The following FRMD4B variants were observed in gnomAD, a reference collection of about 807,000 sequenced individuals.
The protein encoded by FRMD4B is FERM domain containing 4B.
In FRMD4B, 74 loss-of-function variants were observed where a neutral mutation model predicts 141.5. The observed-to-expected ratio is 0.52, with a 90% CI of 0.43 to 0.63. The LOEUF is 0.63. Among genes scored for constraint, FRMD4B ranks in the 30% least tolerant of loss-of-function variants. The pLI is 0.00. For synonymous variants in FRMD4B, 506 were observed against 467.9 expected (o/e 1.08, Z -1.05); for missense variants, 1,366 against 1,253.4 (o/e 1.09, Z -1.36).
chr3:69,453,282 G>A (rs1169549229), intron 1 of FRMD4B, among the ~76,000 whole-genome samples: 2 of 152,206 alleles, frequency 1.3e-5, no homozygotes, highest in Non-Finnish European at 2.9e-5. Flanking sequence ...GCATCTGGCT[G>A]GCTCTGTGTC....
intron 2 of FRMD4B, among the ~76,000 whole-genome samples, chr3:69,405,818 T>C (rs1007136983): frequency 4.6e-5 from 7 of 152,190 alleles, no homozygotes; most frequent in Non-Finnish European, 7.3e-5. Context: ...GCCTCCTAGT[T>C]CCAACTGAAA....
chr3:69,198,535 G>C (rs2092931661), intron 12 of FRMD4B, 163 bp downstream of exon 12: 1 of 597,578 alleles, frequency 1.7e-6, no homozygotes, highest in South Asian at 2.2e-5. Context: ...CCATTCCTCA[G>C]AGGGTTAAAG....
intron 1 of FRMD4B, among the ~76,000 whole-genome samples, chr3:69,483,826 A>G (rs1706170301): frequency 6.6e-6 from 1 of 152,230 alleles, no homozygotes; most frequent in South Asian, 2.1e-4. Flanking sequence ...AAAAGCCCCA[A>G]ATTATTTTAT....
intron 1 of FRMD4B, among the ~76,000 whole-genome samples, chr3:69,531,146 T>A (rs1464145802): frequency 2.6e-5 from 4 of 152,198 alleles, no homozygotes; most frequent in Admixed American, 2.6e-4. Context: ...GGGTGGATGG[T>A]TTAGCCAAGA....
chr3:69,213,039 A>T (rs981508518), intron 11 of FRMD4B, among the ~76,000 whole-genome samples: 3 of 152,200 alleles, frequency 2.0e-5, no homozygotes, highest in Non-Finnish European at 4.4e-5. Context: ...TATGATGTCC[A>T]TCAAAAGTGA....
chr3:69,220,792 T>C (rs1471976847), intron 9 of FRMD4B, among the ~76,000 whole-genome samples: 1 of 152,112 alleles, frequency 6.6e-6, no homozygotes, highest in African/African-American at 2.4e-5. Flanking sequence ...AGGTGGCAAT[T>C]GCAGTGAGAT....
At chr3:69,265,165 G>C (rs2093552590) in intron 5 of FRMD4B, among the ~76,000 whole-genome samples, 1 of 146,308 alleles carries the variant, frequency 6.8e-6, no homozygotes, top group Non-Finnish European at 1.5e-5. Flanking sequence ...TGAGGCAGGA[G>C]AATTGCTTGA....
chr3:69,480,656 G>C (rs1007137714), intron 1 of FRMD4B, among the ~76,000 whole-genome samples: 1 of 152,176 alleles, frequency 6.6e-6, no homozygotes, highest in South Asian at 2.1e-4. Flanking sequence ...CAGGGGTCAG[G>C]GGTCAGGGAC....
At chr3:69,187,721 A>T (rs569334642) in intron 19 of FRMD4B, 49 bp downstream of exon 19, 1 of 1,549,314 alleles carries the variant, frequency 6.5e-7, no homozygotes, top group Non-Finnish European at 8.7e-7. Flanking sequence ...TTGGAGGAAA[A>T]ATTTCCTAGC....
At chr3:69,314,834 C>CA (rs1281979619) in intron 1 of FRMD4B, among the ~76,000 whole-genome samples, 7 of 149,996 alleles carry the variant, frequency 4.7e-5, no homozygotes, top group Middle Eastern at 3.5e-3. Flanking sequence ...GACACTTTTC[C>CA]AAAAAAAAGA....
intron 7 of FRMD4B, among the ~76,000 whole-genome samples, chr3:69,235,915 G>A (rs915570111): frequency 6.6e-6 from 1 of 152,220 alleles, no homozygotes; most frequent in Admixed American, 6.5e-5. Flanking sequence ...ATTCTAGGAA[G>A]AGGGGACAGG....
At chr3:69,176,279 G>A (rs539386109) in intron 22 of FRMD4B, among the ~76,000 whole-genome samples, 3 of 152,256 alleles carry the variant, frequency 2.0e-5, no homozygotes, top group South Asian at 2.1e-4. Context: ...GATATTTTTG[G>A]CTTTGGTGCA....
At chr3:69,350,942 G>T (rs1420079141) in intron 1 of FRMD4B, among the ~76,000 whole-genome samples, 1 of 151,852 alleles carries the variant, frequency 6.6e-6, no homozygotes, top group Non-Finnish European at 1.5e-5. Flanking sequence ...TAACAAACCT[G>T]CACATTGTGC....
Position 69,317,080 on chromosome 3 carries a change from C to CAA in FRMD4B, c.163-3565_163-3564dup, listed in dbSNP as rs11461498. On this transcript the variant is annotated intron_variant, in intron 1 of 22. Transcript: ENST00000398540. Reference sequence around the variant, plus strand: ...GGGCAACAAGAGCGAAACTCCGCCTCAAAAAAAAAATCATCTTTTTTTGCC... The same window carrying CAA: ...GGGCAACAAGAGCGAAACTCCGCCTCAAAAAAAAAAAATCATCTTTTTTTGCC... 2.9e-4 allele frequency among the ~76,000 whole-genome samples: 43 copies of CAA among 150,430 alleles called. No individual in the cohort carries two copies. In the South Asian group the frequency reaches 4.2e-3, roughly 15 times the overall value.
chr3:69,414,696 A>C (rs934680003), intron 2 of FRMD4B, among the ~76,000 whole-genome samples: 1 of 152,188 alleles, frequency 6.6e-6, no homozygotes, highest in Non-Finnish European at 1.5e-5. Flanking sequence ...TGAGAGCTGC[A>C]TGAGGTCAAG....
intron 5 of FRMD4B, 43 bp from the exon 6 acceptor site, chr3:69,250,142 C>A: frequency 7.3e-7 from 1 of 1,372,320 alleles, no homozygotes; most frequent in Non-Finnish European, 1.0e-6. Flanking sequence ...TGGGGCTGTC[C>A]TAGATTGTAG....
chr3:69,326,838 G>A (rs1575734016), intron 1 of FRMD4B, among the ~76,000 whole-genome samples: 3 of 152,128 alleles, frequency 2.0e-5, no homozygotes, highest in African/African-American at 7.2e-5. Context: ...ACTGTCAAAT[G>A]TTTATTTTCA....
chr3:69,393,165 TC>T (rs766898728), intron 2 of FRMD4B, among the ~76,000 whole-genome samples: 34 of 152,120 alleles, frequency 2.2e-4, no homozygotes, highest in Non-Finnish European at 4.3e-4. Context: ...CTATTCAGCG[TC>T]TATTCTTTGG....
chr3:69,235,929 TAGGG>T (rs1282556959), intron 7 of FRMD4B, among the ~76,000 whole-genome samples: 1 of 152,066 alleles, frequency 6.6e-6, no homozygotes, highest in Non-Finnish European at 1.5e-5. Context: ...GGACAGGAAA[TAGGG>T]AAGGAGCAGA....
Sources: gnomAD v4.1 joint callset for allele counts (sites outside exome capture counted in the v4.1 genomes callset) on GRCh38, gnomAD v4.1.1 for gene constraint, MANE v1.5 for transcripts, NCBI Gene and HGNC (gene_info 2026-07-23, HGNC 2026-07-21) for gene names.